Variants in MARCHF1 observed in about 807,000 individuals in gnomAD.
The protein encoded by MARCHF1 is membrane associated ring-CH-type finger 1.
In MARCHF1, 40 loss-of-function variants were observed where a neutral mutation model predicts 54.2. That is an observed-to-expected ratio of 0.74 (90% confidence interval 0.57 to 0.96). The LOEUF (loss-of-function observed/expected upper bound fraction) is 0.96. Ranked by LOEUF, MARCHF1 falls within the 40% of genes least tolerant of loss-of-function variation. The pLI, the probability that MARCHF1 is intolerant of heterozygous loss-of-function variation, is 0.00. For missense variants in MARCHF1, 586 were observed against 656.5 expected (o/e 0.89, Z 1.17); for synonymous variants, 236 against 236.3 (o/e 1.00, Z 0.01).
At chr4:164,076,079 G>A (rs1339985145) in intron 2 of MARCHF1, among the ~76,000 whole-genome samples, 1 of 151,794 alleles carries the variant, frequency 6.6e-6, no homozygotes, top group African/African-American at 2.4e-5. Flanking sequence ...TCAAATTTCT[G>A]TTTGAAAAAA....
chr4:163,741,434 T>C (rs990693388), intron 4 of MARCHF1, among the ~76,000 whole-genome samples: 2 of 151,652 alleles, frequency 1.3e-5, no homozygotes, highest in Non-Finnish European at 2.9e-5. Flanking sequence ...AAAATACAAA[T>C]TAGCCGGGCG....
intron 2 of MARCHF1, among the ~76,000 whole-genome samples, chr4:164,021,641 T>C (rs1465137945): frequency 2.0e-5 from 3 of 151,968 alleles, no homozygotes; most frequent in Non-Finnish European, 4.4e-5. Context: ...TATTTGAAAA[T>C]ATGGTCCATT....
intron 8 of MARCHF1, among the ~76,000 whole-genome samples, chr4:163,553,019 C>T (rs1182190849): frequency 1.2e-4 from 16 of 129,544 alleles, no homozygotes; most frequent in Admixed American, 1.1e-3. Flanking sequence ...GGCGACAGAG[C>T]GAGACTCCGT....
chr4:164,068,140 G>A (rs1754768539), intron 2 of MARCHF1, among the ~76,000 whole-genome samples: 1 of 152,206 alleles, frequency 6.6e-6, no homozygotes, highest in Non-Finnish European at 1.5e-5. Context: ...AATTAGTTCA[G>A]CCACTGTGGA....
intron 1 of MARCHF1, among the ~76,000 whole-genome samples, chr4:164,116,429 T>G (rs982486801): frequency 1.1e-4 from 16 of 152,176 alleles, no homozygotes; most frequent in African/African-American, 3.9e-4. Context: ...TTCATTTGCA[T>G]GTATTTATGT....
At chr4:163,770,653 T>A (rs757337427) in intron 4 of MARCHF1, among the ~76,000 whole-genome samples, 31 of 152,260 alleles carry the variant, frequency 2.0e-4, no homozygotes, top group South Asian at 4.1e-4. Flanking sequence ...GTCTTTTTTT[T>A]ATCTGTCTTA....
At chr4:164,087,938 T>G (rs1325112607) in intron 2 of MARCHF1, among the ~76,000 whole-genome samples, 1 of 152,162 alleles carries the variant, frequency 6.6e-6, no homozygotes, top group East Asian at 1.9e-4. Context: ...TACACTTGAA[T>G]GAATGGATGA....
intron 2 of MARCHF1, among the ~76,000 whole-genome samples, chr4:164,028,369 C>T (rs1175753777): frequency 1.3e-5 from 2 of 152,178 alleles, no homozygotes; most frequent in Admixed American, 6.6e-5. Flanking sequence ...AGTACATACA[C>T]ACCAAGAAAT....
intron 2 of MARCHF1, among the ~76,000 whole-genome samples, chr4:164,057,363 T>C (rs1050045249): frequency 6.6e-6 from 1 of 152,236 alleles, no homozygotes; most frequent in Non-Finnish European, 1.5e-5. Context: ...AAAATTTCAA[T>C]TTCTTCCTCT....
intron 2 of MARCHF1, among the ~76,000 whole-genome samples, chr4:164,007,329 G>A (rs1251624220): frequency 1.7e-5 from 2 of 118,792 alleles, no homozygotes; most frequent in African/African-American, 6.8e-5. Context: ...CTGGGCGACA[G>A]AGCGAGACTC....
At chr4:163,855,305 T>C (rs577496067) in intron 3 of MARCHF1, among the ~76,000 whole-genome samples, 4 of 152,288 alleles carry the variant, frequency 2.6e-5, no homozygotes, top group East Asian at 1.9e-4. Context: ...ACTCATTCAA[T>C]TGAGGTACAG....
chr4:164,123,652 A>G (rs1183930480), intron 1 of MARCHF1, among the ~76,000 whole-genome samples: 1 of 152,142 alleles, frequency 6.6e-6, no homozygotes, highest in Admixed American at 6.6e-5. Flanking sequence ...TCTACACACC[A>G]CAGTGAACTC....
intron 2 of MARCHF1, among the ~76,000 whole-genome samples, chr4:164,110,344 T>C (rs985467669): frequency 6.6e-5 from 10 of 152,008 alleles, no homozygotes; most frequent in Non-Finnish European, 1.2e-4. Flanking sequence ...TCTTATATAA[T>C]CTTTATTTCT....
At chr4:164,378,155 T>A (rs1731250952) in intron 1 of MARCHF1, among the ~76,000 whole-genome samples, 1 of 152,130 alleles carries the variant, frequency 6.6e-6, no homozygotes, top group African/African-American at 2.4e-5. Flanking sequence ...TCACAATATG[T>A]TTTTTCCCCG....
At chr4:163,929,946 TTA>T (rs765089880) in intron 3 of MARCHF1, among the ~76,000 whole-genome samples, 3 of 52,924 alleles carry the variant, frequency 5.7e-5, no homozygotes, top group Admixed American at 2.6e-4. Flanking sequence ...TATATTTATA[TTA>T]TATATATTAT....
At chr4:164,071,833 T>A (rs138501538) in intron 2 of MARCHF1, among the ~76,000 whole-genome samples, 1,871 of 152,282 alleles carry the variant, frequency 0.012, 37 homozygotes, top group African/African-American at 0.043. Flanking sequence ...AAGTATACAC[T>A]TACCACCATG....
intron 5 of MARCHF1, among the ~76,000 whole-genome samples, chr4:163,629,497 G>T (rs1380485955): frequency 6.6e-6 from 1 of 152,154 alleles, no homozygotes; most frequent in Admixed American, 6.5e-5. Flanking sequence ...ATAGGTATGG[G>T]CAAAGACTTC....
rs1732781608 is a variant in MARCHF1, at chr4:164,242,058, C to T, written c.-322-130396G>A. ...CGGCAGCGAGGCAGGGGGAGGGGCG[C>T]CCGCCATTGCCCAGCCTTGATTAGG... On this transcript the variant is annotated intron_variant, in intron 1 of 9. Coordinates refer to ENST00000514618, the MANE Select transcript of MARCHF1 (RefSeq NM_001394959.1). Among the ~76,000 whole-genome samples the T allele has an allele frequency of 3.3e-5, 5 of 152,334 alleles. No individual in the cohort carries two copies. The South Asian group carries it at 1.0e-3, about 32-fold the overall frequency.
intron 3 of MARCHF1, among the ~76,000 whole-genome samples, chr4:163,937,220 G>A (rs552189771): frequency 6.6e-6 from 1 of 151,940 alleles, no homozygotes; most frequent in East Asian, 1.9e-4. Flanking sequence ...AATGAAATGA[G>A]GGAAGAGAAA....
Sources: gnomAD v4.1 joint callset for allele counts (sites outside exome capture counted in the v4.1 genomes callset) on GRCh38, gnomAD v4.1.1 for gene constraint, MANE v1.5 for transcripts, NCBI Gene and HGNC (gene_info 2026-07-23, HGNC 2026-07-21) for gene names.